Variants in KANK1 observed in about 807,000 individuals in gnomAD.
KANK1 encodes KN motif and ankyrin repeat domains 1.
A neutral mutation model predicts 106.2 loss-of-function variants in KANK1; 109 were observed. The observed-to-expected ratio is 1.03, with a 90% CI of 0.88 to 1.20. The LOEUF is 1.20. Among genes scored for constraint, KANK1 ranks in the 50% most tolerant of loss-of-function variants. KANK1 has a pLI of 0.00. For missense variants in KANK1, 2,399 were observed against 1,710.7 expected (o/e 1.40, Z -7.10); for synonymous variants, 873 against 652.2 (o/e 1.34, Z -5.16).
chr9:681,594 A>G (rs1049807908), intron 2 of KANK1, among the ~76,000 whole-genome samples: 5 of 152,330 alleles, frequency 3.3e-5, no homozygotes, highest in African/African-American at 9.6e-5. Flanking sequence ...GTGCAGGGAA[A>G]AAAAGAATAG....
At position 476,416 on chromosome 9, in the gene KANK1, G is replaced by A. The variant is rs533382170; in HGVS notation, c.-362+3143G>A. Among the ~76,000 whole-genome samples, 23 of 152,050 alleles carry A rather than the reference G, an allele frequency of 1.5e-4. No individual in the cohort carries two copies. In the East Asian group the frequency reaches 1.6e-3, roughly 10 times the overall value. On this transcript the variant is annotated intron_variant, in intron 3 of 15. Transcript: ENST00000382303. ...TATGCCTGTAATCCCAGCTACTCGC[G>A]AGGCTGAGGCAAGAGAATCGCTTGA...
chr9:604,825 C>G (rs1828683685), intron 1 of KANK1, among the ~76,000 whole-genome samples: 1 of 151,664 alleles, frequency 6.6e-6, no homozygotes. Flanking sequence ...GTGAGACTCT[C>G]TCAAAAAATA....
Position 712,327 on chromosome 9 carries a change from C to G in KANK1, c.1561C>G (p.Gln521Glu). 1 of 1,614,210 alleles carries G rather than the reference C, an allele frequency of 6.2e-7. No homozygotes were observed. Among genetic ancestry groups the G allele is most frequent in the Non-Finnish European group, 8.5e-7 (1 of 1,180,052 alleles). Residue 521 changes from glutamine (Q) to glutamate (E), a missense_variant, in exon 3 of 12, where the codon CAG (glutamine) becomes GAG (glutamate). Transcript: ENST00000382297. ...VFSKVVEAVV[Q>E]TRDQMVGSHM... ...CAGTAAGGTGGTGGAGGCAGTGGTGCAGACCAGAGACCAAATGGTCGGCAG... is the reference window on the plus strand; with the variant it reads ...CAGTAAGGTGGTGGAGGCAGTGGTGGAGACCAGAGACCAAATGGTCGGCAG...
At chr9:654,812 TGTGA>T (rs1486472174) in intron 1 of KANK1, among the ~76,000 whole-genome samples, 89 of 134,832 alleles carry the variant, frequency 6.6e-4, no homozygotes, top group East Asian at 2.6e-3. Context: ...TGTGTGTGTG[TGTGA>T]GAGAGAGAGA....
At chr9:682,208 A>T (rs1049991049) in intron 2 of KANK1, among the ~76,000 whole-genome samples, 5 of 151,700 alleles carry the variant, frequency 3.3e-5, no homozygotes, top group Non-Finnish European at 5.9e-5. Context: ...TGAACCCGGG[A>T]GACGAAGGTT....
At chr9:644,487 G>A (rs1266054659) in intron 1 of KANK1, among the ~76,000 whole-genome samples, 1 of 151,014 alleles carries the variant, frequency 6.6e-6, no homozygotes, top group Non-Finnish European at 1.5e-5. Flanking sequence ...AGGAAACTTA[G>A]AATCATGGCA....
At chr9:544,783 A>G (rs1190323069) in intron 1 of KANK1, among the ~76,000 whole-genome samples, 2 of 148,782 alleles carry the variant, frequency 1.3e-5, no homozygotes, top group African/African-American at 2.5e-5. Flanking sequence ...CTGTGTTTAG[A>G]ACCAAAGAGA....
intron 1 of KANK1, among the ~76,000 whole-genome samples, chr9:592,626 G>A (rs1358624407): frequency 6.6e-6 from 1 of 151,804 alleles, no homozygotes; most frequent in Non-Finnish European, 1.5e-5. Context: ...AGATTGCACA[G>A]GCATTTAACT....
intron 1 of KANK1, among the ~76,000 whole-genome samples, chr9:559,855 A>C (rs1253113839): frequency 6.6e-6 from 1 of 152,172 alleles, no homozygotes; most frequent in Non-Finnish European, 1.5e-5. Context: ...GCCCCTTCAC[A>C]CATACTCTGT....
At chr9:643,720 A>G (rs1197274073) in intron 1 of KANK1, among the ~76,000 whole-genome samples, 1 of 148,728 alleles carries the variant, frequency 6.7e-6, no homozygotes, top group Admixed American at 6.6e-5. Flanking sequence ...GGTTTTTTTT[A>G]GAGACAGAGT....
At chr9:550,452 T>C (rs1009649727) in intron 1 of KANK1, among the ~76,000 whole-genome samples, 6 of 152,152 alleles carry the variant, frequency 3.9e-5, no homozygotes, top group African/African-American at 1.2e-4. Context: ...AGGTATCTTA[T>C]CAAAACACCA....
intron 1 of KANK1, among the ~76,000 whole-genome samples, chr9:507,808 G>A (rs1437757530): frequency 3.3e-5 from 5 of 151,816 alleles, no homozygotes; most frequent in South Asian, 2.1e-4. Context: ...TGCCCACCTC[G>A]GCCTCTCAAA....
intron 1 of KANK1, among the ~76,000 whole-genome samples, chr9:600,620 C>G (rs1827498977): frequency 6.6e-6 from 1 of 151,870 alleles, no homozygotes; most frequent in African/African-American, 2.4e-5. Context: ...GAGGAAACAA[C>G]TAGTAGCACA....
intron 1 of KANK1, among the ~76,000 whole-genome samples, chr9:628,722 A>C (rs1226306302): frequency 6.6e-6 from 1 of 152,092 alleles, no homozygotes; most frequent in Non-Finnish European, 1.5e-5. Context: ...CCCTTTCTGC[A>C]TGGCGGGTTT....
At position 713,438 on chromosome 9, in the gene KANK1, A is replaced by T; in HGVS notation, c.2672A>T (p.Gln891Leu). The part of the protein sequence containing the change: ...STEELRNPDF[Q>L]KTSLGKITGN... ...GAAGAGCTGAGGAACCCTGACTTCC[A>T]GAAAACCAGTCTGGGTAAAATCACA... The change falls in exon 3 of 12, where the codon CAG (glutamine) becomes CTG (leucine). Residue 891 changes from glutamine to leucine, a missense_variant. Transcript: ENST00000382297. 2.5e-6 allele frequency: 4 copies of T among 1,599,850 alleles called. No individual in the cohort carries two copies. In the South Asian group the frequency reaches 3.4e-5, roughly 14 times the overall value.
At chr9:672,990 A>G (rs1815539544) in intron 1 of KANK1, among the ~76,000 whole-genome samples, 1 of 152,174 alleles carries the variant, frequency 6.6e-6, no homozygotes, top group African/African-American at 2.4e-5. Context: ...CAATTTATTG[A>G]TCTGTAACAC....
intron 3 of KANK1, among the ~76,000 whole-genome samples, chr9:725,763 A>C (rs72693437): frequency 0.075 from 11,434 of 152,204 alleles, 1,002 homozygotes; most frequent in African/African-American, 0.2. Context: ...AATAGAACTC[A>C]GAGCAGTTTT....
At chr9:554,126 A>C (rs2061436938) in intron 1 of KANK1, among the ~76,000 whole-genome samples, 1 of 152,326 alleles carries the variant, frequency 6.6e-6, no homozygotes, top group South Asian at 2.1e-4. Flanking sequence ...TGTGATTACG[A>C]AGGCCAGGAA....
intron 6 of KANK1, chr9:734,275 A>G (rs1330094224): frequency 1.2e-5 from 2 of 162,966 alleles, no homozygotes; most frequent in South Asian, 3.4e-4. Context: ...CGTAACCCTT[A>G]GACCCCTAAG....
Sources: gnomAD v4.1 joint callset for allele counts (sites outside exome capture counted in the v4.1 genomes callset) on GRCh38, gnomAD v4.1.1 for gene constraint, MANE v1.5 for transcripts, NCBI Gene and HGNC (gene_info 2026-07-23, HGNC 2026-07-21) for gene names.